The following CDC73 variants were observed in gnomAD, a reference collection of about 807,000 sequenced individuals.
The protein encoded by CDC73 is parafibromin.
In CDC73, 21 loss-of-function variants were observed where a neutral mutation model predicts 83.7. The observed-to-expected ratio is 0.25, with a 90% CI of 0.18 to 0.36. CDC73 has a LOEUF of 0.36. Ranked by LOEUF, CDC73 falls within the 10% of genes least tolerant of loss-of-function variation. CDC73 has a pLI of 1.00. For missense variants in CDC73, 342 were observed against 653.3 expected, an observed-to-expected ratio of 0.52 and a Z score of 5.19; for synonymous variants, 224 against 212.9, an observed-to-expected ratio of 1.05 and a Z score of -0.45.
chr1:193,233,232 C>T (rs534443233), intron 14 of CDC73, 78 bp downstream of exon 14: 31 of 1,373,000 alleles, frequency 2.3e-5, no homozygotes, highest in Admixed American at 6.7e-5. Context: ...CCGTTGATGA[C>T]GTTGCTTTTT....
chr1:193,129,391 C>T (rs921207094), intron 2 of CDC73, among the ~76,000 whole-genome samples: 1 of 151,828 alleles, frequency 6.6e-6, no homozygotes, highest in African/African-American at 2.4e-5. Flanking sequence ...CTTGGCCTCC[C>T]GCAGTGCTGG....
intron 7 of CDC73, among the ~76,000 whole-genome samples, chr1:193,145,771 A>G (rs949404087): frequency 2.6e-5 from 4 of 152,194 alleles, no homozygotes. Flanking sequence ...TGCAACTGGT[A>G]TAGTGATAAT....
At chr1:193,238,154 A>G (rs1677795332) in intron 15 of CDC73, among the ~76,000 whole-genome samples, 2 of 152,208 alleles carry the variant, frequency 1.3e-5, no homozygotes, top group Non-Finnish European at 2.9e-5. Flanking sequence ...GAGAATTTTA[A>G]CAATCATCAG....
chr1:193,228,743 T>C (rs1222271763), intron 13 of CDC73, among the ~76,000 whole-genome samples: 1 of 151,796 alleles, frequency 6.6e-6, no homozygotes, highest in East Asian at 1.9e-4. Context: ...TAATAGAATG[T>C]TTTTGTGACT....
chr1:193,245,605 A>G (rs1677940303), intron 15 of CDC73, among the ~76,000 whole-genome samples: 1 of 152,164 alleles, frequency 6.6e-6, no homozygotes, highest in Non-Finnish European at 1.5e-5. Flanking sequence ...ATGGGGGTGC[A>G]GATATCTCTT....
At chr1:193,174,619 T>G (rs1354038114) in intron 10 of CDC73, among the ~76,000 whole-genome samples, 1 of 152,166 alleles carries the variant, frequency 6.6e-6, no homozygotes, top group East Asian at 1.9e-4. Context: ...TGACAATCCT[T>G]TCATACATTG....
At chr1:193,221,905 A>G (rs1677477120) in intron 13 of CDC73, among the ~76,000 whole-genome samples, 1 of 152,152 alleles carries the variant, frequency 6.6e-6, no homozygotes, top group African/African-American at 2.4e-5. Flanking sequence ...CCTCCACACA[A>G]TTATGGTACT....
At chr1:193,161,323 CA>C (rs1676304836) in intron 10 of CDC73, 1 of 172,092 alleles carries the variant, frequency 5.8e-6, no homozygotes, top group Non-Finnish European at 1.3e-5. Context: ...GCACTGAATC[CA>C]TTGAAGACAT....
intron 11 of CDC73, among the ~76,000 whole-genome samples, chr1:193,210,244 A>G (rs1217189403): frequency 1.3e-5 from 2 of 152,226 alleles, no homozygotes; most frequent in African/African-American, 2.4e-5. Flanking sequence ...TGAGAGAGCT[A>G]TATAAAGGAT....
chr1:193,187,473 T>C (rs188897884), intron 10 of CDC73, among the ~76,000 whole-genome samples: 48 of 152,318 alleles, frequency 3.2e-4, no homozygotes, highest in Admixed American at 2.5e-3. Flanking sequence ...TTTTCTAATA[T>C]GGTTAGTTTC....
At chr1:193,189,363 A>G (rs777978320) in intron 10 of CDC73, among the ~76,000 whole-genome samples, 42 of 152,170 alleles carry the variant, frequency 2.8e-4, no homozygotes, top group Admixed American at 1.1e-3. Context: ...GTAGCAACCT[A>G]CATGTTTCCA....
At chr1:193,225,362 A>G (rs914809458) in intron 13 of CDC73, among the ~76,000 whole-genome samples, 1 of 152,010 alleles carries the variant, frequency 6.6e-6, no homozygotes, top group Non-Finnish European at 1.5e-5. Context: ...GTGCTGCTGT[A>G]AACATGCGTG....
chr1:193,132,964 C>T (rs544442845), intron 3 of CDC73, among the ~76,000 whole-genome samples: 28 of 145,586 alleles, frequency 1.9e-4, no homozygotes, highest in African/African-American at 7.2e-4. Context: ...TGCAGTGGCG[C>T]GATCTTGGCT....
intron 10 of CDC73, among the ~76,000 whole-genome samples, chr1:193,160,433 T>G (rs890769230): frequency 6.6e-6 from 1 of 152,076 alleles, no homozygotes; most frequent in Non-Finnish European, 1.5e-5. Context: ...TAACAAAAAT[T>G]TATACTATGA....
chr1:193,177,166 C>G (rs898914711), intron 10 of CDC73, among the ~76,000 whole-genome samples: 5 of 151,528 alleles, frequency 3.3e-5, no homozygotes, highest in African/African-American at 1.2e-4. Context: ...TTGCTCAGCT[C>G]TAGACTTTTT....
intron 3 of CDC73, among the ~76,000 whole-genome samples, chr1:193,135,064 A>G (rs1235373900): frequency 1.3e-5 from 2 of 152,146 alleles, no homozygotes; most frequent in East Asian, 1.9e-4. Flanking sequence ...GTGTGTGTAT[A>G]TATATATTTA....
intron 1 of CDC73, among the ~76,000 whole-genome samples, chr1:193,124,188 A>C (rs2103113287): frequency 6.6e-6 from 1 of 152,360 alleles, no homozygotes. Flanking sequence ...ACACCAAGAA[A>C]TTGTTTTTAT....
intron 15 of CDC73, among the ~76,000 whole-genome samples, chr1:193,245,207 A>G (rs1001922643): frequency 1.3e-5 from 2 of 152,180 alleles, no homozygotes; most frequent in Non-Finnish European, 2.9e-5. Flanking sequence ...CTATAATCCT[A>G]TAGTGGTGTG....
intron 2 of CDC73, among the ~76,000 whole-genome samples, chr1:193,126,865 C>T (rs1675584601): frequency 6.6e-6 from 1 of 152,184 alleles, no homozygotes; most frequent in African/African-American, 2.4e-5. Context: ...TGCTGGATCA[C>T]ATTAAGCTGT....
Sources: gnomAD v4.1 joint callset for allele counts (sites outside exome capture counted in the v4.1 genomes callset) on GRCh38, gnomAD v4.1.1 for gene constraint, MANE v1.5 for transcripts, NCBI Gene and HGNC (gene_info 2026-07-23, HGNC 2026-07-21) for gene names.